The following EDIL3 variants were observed in gnomAD, a reference collection of about 807,000 sequenced individuals.
EDIL3 encodes the protein EGF-like repeat and discoidin I-like domain-containing protein 3.
A neutral mutation model predicts 67.4 loss-of-function variants in EDIL3; 37 were observed. The observed-to-expected ratio is 0.55, with a 90% CI of 0.42 to 0.72. EDIL3 has a LOEUF of 0.72. EDIL3 is among the 30% of genes least tolerant of loss of function. The probability of loss-of-function intolerance (pLI) is 0.00; values close to 1 mark genes in which losing one functional copy is unlikely to be tolerated. For missense variants in EDIL3, 527 were observed against 586.3 expected (o/e 0.90, Z 1.04); for synonymous variants, 195 against 196.3 (o/e 0.99, Z 0.05).
intron 4 of EDIL3, among the ~76,000 whole-genome samples, chr5:84,139,575 A>T (rs1748153542): frequency 6.6e-6 from 1 of 152,118 alleles, no homozygotes. Context: ...GCTACCTTGG[A>T]ACATGCCCAA....
intron 9 of EDIL3, among the ~76,000 whole-genome samples, chr5:84,028,566 C>T (rs1745859106): frequency 1.3e-5 from 2 of 152,000 alleles, no homozygotes; most frequent in Admixed American, 1.3e-4. Context: ...AAATTATACA[C>T]ACATACACAC....
intron 1 of EDIL3, among the ~76,000 whole-genome samples, chr5:84,380,107 T>C (rs766542420): frequency 4.2e-4 from 64 of 152,154 alleles, no homozygotes; most frequent in Admixed American, 1.7e-3. Flanking sequence ...AATATTTTAA[T>C]AATTACTTCA....
At chr5:84,369,824 T>C (rs1037409763) in intron 1 of EDIL3, among the ~76,000 whole-genome samples, 5 of 152,194 alleles carry the variant, frequency 3.3e-5, no homozygotes, top group African/African-American at 1.2e-4. Flanking sequence ...TGATCCATTT[T>C]ATGGTTAAAC....
intron 9 of EDIL3, among the ~76,000 whole-genome samples, chr5:84,033,051 T>C (rs1745956732): frequency 6.6e-6 from 1 of 152,154 alleles, no homozygotes; most frequent in Admixed American, 6.5e-5. Flanking sequence ...CTTCTGGCTG[T>C]CAGCCCAACA....
intron 1 of EDIL3, among the ~76,000 whole-genome samples, chr5:84,314,947 G>T (rs973584672): frequency 1.3e-5 from 2 of 151,972 alleles, no homozygotes; most frequent in Middle Eastern, 3.2e-3. Context: ...GTAGTTGTAG[G>T]AATAGGGTAA....
chr5:84,137,376 G>C (rs764643837), intron 4 of EDIL3, 22 bp from the exon 5 acceptor site: 1 of 1,587,722 alleles, frequency 6.3e-7, no homozygotes, highest in East Asian at 2.2e-5. Context: ...AGAAAGGACA[G>C]AGGAAGAGAA....
intron 4 of EDIL3, among the ~76,000 whole-genome samples, chr5:84,158,952 C>T (rs763765854): frequency 3.3e-5 from 5 of 151,802 alleles, no homozygotes; most frequent in Non-Finnish European, 5.9e-5. Flanking sequence ...ATTTTATGTC[C>T]CCACAAACTC....
At chr5:84,380,677 T>C (rs1748056928) in intron 1 of EDIL3, among the ~76,000 whole-genome samples, 1 of 152,130 alleles carries the variant, frequency 6.6e-6, no homozygotes, top group South Asian at 2.1e-4. Flanking sequence ...AATGATAATA[T>C]ATACAGTTCA....
intron 3 of EDIL3, among the ~76,000 whole-genome samples, chr5:84,214,093 T>C (rs1280546194): frequency 6.6e-6 from 1 of 152,192 alleles, no homozygotes; most frequent in South Asian, 2.1e-4. Flanking sequence ...ATATTTGAGA[T>C]GTCTTAAAAT....
rs10041286 is a variant in EDIL3 at position 84,218,998 on chromosome 5, T to C, written c.226+10857A>G. ...CTGCTGATTGTAGACCCCTAAGGCCTTTAGCAAACATACAAGGTAGCCAGG... is the reference window on the plus strand; with the variant it reads ...CTGCTGATTGTAGACCCCTAAGGCCCTTAGCAAACATACAAGGTAGCCAGG... On this transcript the variant is annotated intron_variant, in intron 3 of 10. Coordinates refer to ENST00000296591, the MANE Select transcript of EDIL3 (RefSeq NM_005711.5). Among the ~76,000 whole-genome samples the C allele has an allele frequency of 6.6e-3, 1,010 of 152,290 alleles. 7 individuals are homozygous for C. The highest frequency in any genetic ancestry group is 0.018 in the South Asian group (85 of 4,814).
Position 84,337,204 on chromosome 5 carries a change from C to A in EDIL3, c.67+47104G>T, listed in dbSNP as rs1747007039. ...GCTCTGCACCCTCAGAACTTTGTCT[C>A]CTTAAAGGAATTGAATTGTTAGAAT... On this transcript the variant is annotated intron_variant, in intron 1 of 10. Transcript: ENST00000296591. Among the ~76,000 whole-genome samples, 3 of 152,226 alleles carry A rather than the reference C, an allele frequency of 2.0e-5. No individual in the cohort carries two copies. In the South Asian group the frequency reaches 6.2e-4, roughly 32 times the overall value.
At chr5:84,328,626 T>G (rs569409488) in intron 1 of EDIL3, among the ~76,000 whole-genome samples, 62 of 152,164 alleles carry the variant, frequency 4.1e-4, no homozygotes, top group African/African-American at 1.4e-3. Flanking sequence ...CTGCTATCTC[T>G]TTACCATGCC....
chr5:84,028,474 C>A (rs1288188377), intron 9 of EDIL3, among the ~76,000 whole-genome samples: 1 of 152,102 alleles, frequency 6.6e-6, no homozygotes, highest in Non-Finnish European at 1.5e-5. Flanking sequence ...ATACGTTAGT[C>A]ATATGGCCTT....
intron 1 of EDIL3, among the ~76,000 whole-genome samples, chr5:84,364,367 T>G (rs1005169197): frequency 1.3e-5 from 2 of 152,222 alleles, no homozygotes. Flanking sequence ...TTTTGATACC[T>G]AAACGAATTC....
chr5:84,126,641 A>G (rs1747874559), intron 5 of EDIL3, among the ~76,000 whole-genome samples: 2 of 152,090 alleles, frequency 1.3e-5, no homozygotes, highest in Admixed American at 6.6e-5. Flanking sequence ...TACTGCTAAC[A>G]CTATGATTGG....
intron 4 of EDIL3, among the ~76,000 whole-genome samples, chr5:84,173,176 A>G (rs938331153): frequency 6.6e-6 from 1 of 152,134 alleles, no homozygotes; most frequent in African/African-American, 2.4e-5. Context: ...GGCCCACCAC[A>G]TGAGTATGGA....
intron 1 of EDIL3, among the ~76,000 whole-genome samples, chr5:84,376,681 G>C (rs1043489021): frequency 3.3e-5 from 5 of 152,164 alleles, no homozygotes; most frequent in Non-Finnish European, 7.4e-5. Flanking sequence ...ATATATAAGA[G>C]ACACACTGCT....
intron 5 of EDIL3, 144 bp from the exon 6 acceptor site, chr5:84,106,974 T>G: frequency 1.2e-6 from 1 of 863,704 alleles, no homozygotes; most frequent in Non-Finnish European, 1.7e-6. Flanking sequence ...TACAGATCTG[T>G]TATCGATCTC....
chr5:84,141,202 G>A (rs957650591), intron 4 of EDIL3, among the ~76,000 whole-genome samples: 1 of 151,564 alleles, frequency 6.6e-6, no homozygotes, highest in African/African-American at 2.4e-5. Context: ...ATATGAAATA[G>A]AAATTTCCAT....
Sources: gnomAD v4.1 joint callset for allele counts (sites outside exome capture counted in the v4.1 genomes callset) on GRCh38, gnomAD v4.1.1 for gene constraint, MANE v1.5 for transcripts, NCBI Gene and HGNC (gene_info 2026-07-23, HGNC 2026-07-21) for gene names.